IL1R1: variants seen among roughly 807,000 people sequenced by gnomAD.
The protein encoded by IL1R1 is interleukin 1 receptor type 1.
Under a neutral mutation model 50.2 loss-of-function variants are expected in IL1R1, and 22 were observed. The observed-to-expected ratio is 0.44, with a 90% CI of 0.31 to 0.63. The LOEUF (loss-of-function observed/expected upper bound fraction) is 0.63, where lower values mean the gene tolerates loss of function less well. Ranked by LOEUF, IL1R1 falls within the 20% of genes least tolerant of loss-of-function variation. The probability of loss-of-function intolerance (pLI) is 0.07; values close to 1 mark genes in which losing one functional copy is unlikely to be tolerated. For missense variants in IL1R1, 509 were observed against 676.2 expected (o/e 0.75, Z 2.74); for synonymous variants, 251 against 236.7 (o/e 1.06, Z -0.55).
intron 6 of IL1R1, among the ~76,000 whole-genome samples, chr2:102,167,442 G>GTTT (rs3047461): frequency 4.4e-4 from 30 of 68,932 alleles, no homozygotes; most frequent in Admixed American, 7.5e-4. Flanking sequence ...TAGGTTAAGT[G>GTTT]TTTTTTTTTT....
intron 1 of IL1R1, chr2:102,104,994 C>T (rs146781133): frequency 6.6e-6 from 1 of 152,072 alleles, no homozygotes; most frequent in Non-Finnish European, 1.5e-5. Context: ...TAAAAGGTAA[C>T]GTTATATTGT....
At chr2:102,120,885 G>C (rs2104391515) in intron 1 of IL1R1, among the ~76,000 whole-genome samples, 1 of 152,328 alleles carries the variant, frequency 6.6e-6, no homozygotes, top group African/African-American at 2.4e-5. Flanking sequence ...TCAAATGTAA[G>C]AGTAAATGAG....
chr2:102,159,634 G>A (rs890841923), intron 3 of IL1R1, among the ~76,000 whole-genome samples: 2 of 152,116 alleles, frequency 1.3e-5, no homozygotes, highest in African/African-American at 2.4e-5. Flanking sequence ...TCCAGCAAAC[G>A]CCTTGGGGAT....
In IL1R1 at chr2:102,172,669, ACTCT is replaced by A. The variant is rs770218225; in HGVS notation, c.840-10_840-7del. On this transcript the variant is annotated splice_polypyrimidine_tract_variant and intron_variant, in intron 8 of 11. Coordinates refer to ENST00000410023, the MANE Select transcript of IL1R1 (RefSeq NM_000877.4). ...GCAATTAACTTACACAAGTTTATTT[ACTCT>A]CTCTCTCGAATAGTGTGGAAAATCC... 2.5e-6 allele frequency: 4 copies of A among 1,579,624 alleles called. No individual in the cohort carries two copies. Among genetic ancestry groups the A allele is most frequent in the Admixed American group, 1.8e-5 (1 of 56,028 alleles).
chr2:102,126,974 G>A (rs116535604), intron 1 of IL1R1, among the ~76,000 whole-genome samples: 1,552 of 152,274 alleles, frequency 0.01, 33 homozygotes, highest in African/African-American at 0.035. Flanking sequence ...TAATGCAGAG[G>A]CCCCCTTGTC....
intron 1 of IL1R1, among the ~76,000 whole-genome samples, chr2:102,137,730 A>G (rs754855170): frequency 6.6e-6 from 1 of 152,234 alleles, no homozygotes; most frequent in Non-Finnish European, 1.5e-5. Flanking sequence ...TCCAGATTCA[A>G]GAGGAGGAAA....
chr2:102,176,197 T>C (rs1214629865), intron 11 of IL1R1, 156 bp from the exon 12 acceptor site: 16 of 631,708 alleles, frequency 2.5e-5, no homozygotes, highest in Admixed American at 2.4e-4. Context: ...TTAAAATTAA[T>C]TAATTAAAAA....
chr2:102,109,441 G>GATCCTGCCTGC (rs1680617457), intron 1 of IL1R1, among the ~76,000 whole-genome samples: 1 of 152,188 alleles, frequency 6.6e-6, no homozygotes, highest in Non-Finnish European at 1.5e-5. Flanking sequence ...GCAGGCTAGT[G>GATCCTGCCTGC]AGGAGAGATC....
At chr2:102,086,209 G>A (rs1269432440) in intron 1 of IL1R1, among the ~76,000 whole-genome samples, 2 of 152,056 alleles carry the variant, frequency 1.3e-5, no homozygotes, top group Non-Finnish European at 2.9e-5. Context: ...GGTTTCACTG[G>A]GTAAGATTTC....
rs528482517 is a variant in IL1R1, at chr2:102,170,629, C to T, written c.722-1172C>T. 7.5e-4 allele frequency among the ~76,000 whole-genome samples: 114 copies of T among 152,078 alleles called. 2 individuals carry two copies. In the South Asian group the frequency reaches 0.014, roughly 18 times the overall value. On this transcript the variant is annotated intron_variant, in intron 7 of 11. Transcript: ENST00000410023. ...TAGAAAACATAATAGGAAACAAATG[C>T]CATTTGCACCAGTAAATGTCTTAGA...
intron 1 of IL1R1, among the ~76,000 whole-genome samples, chr2:102,081,630 G>A (rs1020977373): frequency 2.6e-5 from 4 of 152,214 alleles, no homozygotes; most frequent in Non-Finnish European, 4.4e-5. Context: ...ACAAAGAAAA[G>A]GGCTAGGGGA....
intron 1 of IL1R1, among the ~76,000 whole-genome samples, chr2:102,072,055 C>G (rs1463494612): frequency 6.6e-6 from 1 of 151,800 alleles, no homozygotes; most frequent in Non-Finnish European, 1.5e-5. Context: ...GTCAGGAGTT[C>G]GAGACCACCC....
chr2:102,093,130 C>G (rs1484730758), intron 1 of IL1R1, among the ~76,000 whole-genome samples: 1 of 152,058 alleles, frequency 6.6e-6, no homozygotes, highest in Non-Finnish European at 1.5e-5. Flanking sequence ...ATTCAAGTAA[C>G]TCACGTAGAA....
chr2:102,153,183 CAG>C (rs1438177940), intron 1 of IL1R1, among the ~76,000 whole-genome samples: 1 of 152,110 alleles, frequency 6.6e-6, no homozygotes, highest in Non-Finnish European at 1.5e-5. Context: ...GCTTCTTAAA[CAG>C]GGCCTGCTCA....
upstream of IL1R1, among the ~76,000 whole-genome samples, chr2:102,102,924 C>G (rs1206033188): frequency 6.6e-6 from 1 of 152,024 alleles, no homozygotes; most frequent in Non-Finnish European, 1.5e-5. Context: ...CATGGTCTCA[C>G]TTATAAGTGA....
At chr2:102,088,531 G>A (rs191779984) in intron 1 of IL1R1, among the ~76,000 whole-genome samples, 74 of 152,216 alleles carry the variant, frequency 4.9e-4, no homozygotes, top group African/African-American at 1.2e-3. Flanking sequence ...AGTTTATAGC[G>A]CATAGGTAGA....
intron 1 of IL1R1, among the ~76,000 whole-genome samples, chr2:102,097,239 A>C (rs545337568): frequency 2.6e-5 from 4 of 152,306 alleles, no homozygotes; most frequent in African/African-American, 9.6e-5. Context: ...TATAAGAGAA[A>C]GATAGGGATG....
intron 1 of IL1R1, among the ~76,000 whole-genome samples, chr2:102,135,148 T>G (rs1682274310): frequency 6.6e-6 from 1 of 152,222 alleles, no homozygotes; most frequent in Non-Finnish European, 1.5e-5. Context: ...AAATCTGTTT[T>G]TTTTAAAATC....
At chr2:102,154,833 C>T (rs3917335) in intron 2 of IL1R1, among the ~76,000 whole-genome samples, 5,069 of 152,348 alleles carry the variant, frequency 0.033, 126 homozygotes, top group Non-Finnish European at 0.055. Flanking sequence ...GTTGTGGGAA[C>T]TTATGGCTTC....
Sources: gnomAD v4.1 joint callset for allele counts (sites outside exome capture counted in the v4.1 genomes callset) on GRCh38, gnomAD v4.1.1 for gene constraint, MANE v1.5 for transcripts, NCBI Gene and HGNC (gene_info 2026-07-23, HGNC 2026-07-21) for gene names.